DPP10: variants seen among roughly 807,000 people sequenced by gnomAD.
DPP10 encodes the protein inactive dipeptidyl peptidase 10.
DPP10 carries 33 observed loss-of-function variants against 120.9 expected under a neutral mutation model. The observed-to-expected ratio is 0.27, with a 90% CI of 0.21 to 0.37. DPP10 has a LOEUF of 0.37. Ranked by LOEUF, DPP10 falls within the 10% of genes least tolerant of loss-of-function variation. The probability of loss-of-function intolerance (pLI) is 1.00; values close to 1 mark genes in which losing one functional copy is unlikely to be tolerated. For missense variants in DPP10, 816 were observed against 942.8 expected (o/e 0.87, Z 1.76); for synonymous variants, 337 against 326.1 (o/e 1.03, Z -0.36).
chr2:115,602,395 A>G (rs2083385386), intron 5 of DPP10, among the ~76,000 whole-genome samples: 1 of 152,218 alleles, frequency 6.6e-6, no homozygotes, highest in Non-Finnish European at 1.5e-5. Flanking sequence ...AGACCTTACA[A>G]TCAAATTTAT....
intron 7 of DPP10, among the ~76,000 whole-genome samples, chr2:115,724,355 A>T (rs1223987525): frequency 6.6e-6 from 1 of 152,168 alleles, no homozygotes; most frequent in Non-Finnish European, 1.5e-5. Context: ...GAAGGTGGCA[A>T]ATTAAAAATT....
rs748957031 is a variant in DPP10, at chr2:115,753,343, A to C, written c.1074+46A>C. On this transcript the variant is annotated intron_variant, in intron 11 of 25. Coordinates refer to ENST00000410059, the MANE Select transcript of DPP10 (RefSeq NM_020868.6). ...TTTTATGCCTAAAATGAAGTAGCTT[A>C]TGCAGCTTTACAAAGGGGAAACAGG... 3.3e-6 allele frequency: 5 copies of C among 1,535,130 alleles called. No individual in the cohort carries two copies. The African/African-American group carries it at 5.5e-5, about 17-fold the overall frequency.
At chr2:115,162,318 G>C in intron 1 of DPP10, 2 of 1,471,860 alleles carry the variant, frequency 1.4e-6, no homozygotes, top group Non-Finnish European at 1.8e-6. Context: ...GCGGCCCACC[G>C]AGGGAGGGAG....
At chr2:114,785,135 C>A (rs1043384610) in intron 1 of DPP10, among the ~76,000 whole-genome samples, 1 of 152,194 alleles carries the variant, frequency 6.6e-6, no homozygotes, top group Non-Finnish European at 1.5e-5. Context: ...TTTACCCACA[C>A]CTCATCCCTC....
intron 1 of DPP10, among the ~76,000 whole-genome samples, chr2:114,768,752 A>C (rs897741663): frequency 3.9e-5 from 6 of 152,216 alleles, no homozygotes; most frequent in African/African-American, 1.4e-4. Flanking sequence ...AGAACACAGG[A>C]TAATGCAAGT....
chr2:115,151,652 C>A (rs1158076925), intron 1 of DPP10, among the ~76,000 whole-genome samples: 1 of 151,652 alleles, frequency 6.6e-6, no homozygotes, highest in African/African-American at 2.4e-5. Context: ...CGTGATCCAC[C>A]CGCCTCGGCT....
At chr2:115,476,493 A>C (rs2075090669) in intron 3 of DPP10, among the ~76,000 whole-genome samples, 1 of 152,220 alleles carries the variant, frequency 6.6e-6, no homozygotes, top group Admixed American at 6.5e-5. Flanking sequence ...TACAAGAACA[A>C]GCAAATACAG....
At chr2:115,341,619 G>A (rs1001029257) in intron 2 of DPP10, among the ~76,000 whole-genome samples, 3 of 151,922 alleles carry the variant, frequency 2.0e-5, no homozygotes, top group Admixed American at 6.6e-5. Flanking sequence ...TCCTTCCCTC[G>A]CAATTCCTAG....
intron 1 of DPP10, among the ~76,000 whole-genome samples, chr2:114,870,436 T>C (rs1690593450): frequency 7.4e-6 from 1 of 135,320 alleles, no homozygotes; most frequent in African/African-American, 2.5e-5. Context: ...GGAAGGAGAA[T>C]GTGTAGTGTA....
chr2:115,783,501 G>C (rs1683002327), intron 17 of DPP10, among the ~76,000 whole-genome samples: 1 of 152,100 alleles, frequency 6.6e-6, no homozygotes, highest in Non-Finnish European at 1.5e-5. Context: ...TGAGAAAACA[G>C]ACCAAGACCA....
intron 1 of DPP10, among the ~76,000 whole-genome samples, chr2:114,913,684 T>C (rs1384876358): frequency 6.6e-6 from 1 of 152,134 alleles, no homozygotes; most frequent in African/African-American, 2.4e-5. Flanking sequence ...CAAACAACTA[T>C]AGTAGCTCCC....
intron 1 of DPP10, among the ~76,000 whole-genome samples, chr2:114,604,429 A>G (rs768259068): frequency 2.4e-4 from 36 of 152,086 alleles, no homozygotes; most frequent in Non-Finnish European, 4.7e-4. Context: ...GTGCCAGGAC[A>G]CAAGCATAGC....
At position 114,952,079 on chromosome 2, in the gene DPP10, T is replaced by C. The variant is rs1574557542; in HGVS notation, c.61-357160T>C. On this transcript the variant is annotated intron_variant, in intron 1 of 25. Transcript: ENST00000410059. Reference sequence around the variant, plus strand: ...ATAATTTCGGTGCTAGAATTCAGTATATAATTTTATTAGTTACCAAACTAA... The same window carrying C: ...ATAATTTCGGTGCTAGAATTCAGTACATAATTTTATTAGTTACCAAACTAA... Among the ~76,000 whole-genome samples the C allele has an allele frequency of 3.3e-5, 5 of 152,072 alleles. No homozygotes were observed. In the South Asian group the frequency reaches 1.0e-3, roughly 32 times the overall value.
chr2:115,678,181 G>A (rs761226702), intron 5 of DPP10, among the ~76,000 whole-genome samples: 1 of 152,222 alleles, frequency 6.6e-6, no homozygotes. Context: ...CATAAGTAAT[G>A]GGGAGCCAAA....
intron 1 of DPP10, among the ~76,000 whole-genome samples, chr2:114,667,031 C>A (rs1212843746): frequency 6.6e-6 from 1 of 152,142 alleles, no homozygotes; most frequent in African/African-American, 2.4e-5. Flanking sequence ...GGCAAAGAGG[C>A]CACATACTTT....
chr2:114,970,656 A>T (rs761120727), intron 1 of DPP10, among the ~76,000 whole-genome samples: 11 of 152,202 alleles, frequency 7.2e-5, no homozygotes, highest in Non-Finnish European at 1.5e-4. Context: ...TTAAATTTGT[A>T]TATTAATATG....
chr2:114,526,221 A>G (rs1685486060), intron 1 of DPP10, among the ~76,000 whole-genome samples: 1 of 152,208 alleles, frequency 6.6e-6, no homozygotes, highest in South Asian at 2.1e-4. Flanking sequence ...ATTCCTCAAC[A>G]TTAGTTATGT....
intron 1 of DPP10, among the ~76,000 whole-genome samples, chr2:115,239,289 A>G (rs1400156175): frequency 6.6e-6 from 1 of 152,208 alleles, no homozygotes; most frequent in Non-Finnish European, 1.5e-5. Flanking sequence ...CAACTGTGGG[A>G]AAAATGCTAT....
chr2:115,223,321 A>G (rs892562327), intron 1 of DPP10, among the ~76,000 whole-genome samples: 2 of 152,146 alleles, frequency 1.3e-5, no homozygotes, highest in Non-Finnish European at 2.9e-5. Context: ...TGATTAATTT[A>G]CTATTTTTCT....
Sources: allele counts gnomAD v4.1 joint callset (sites outside exome capture counted in the v4.1 genomes callset), GRCh38; gene constraint gnomAD v4.1.1; transcripts MANE v1.5; gene names NCBI Gene and HGNC (gene_info 2026-07-23, HGNC 2026-07-21).